YEATS2: variants seen among roughly 807,000 people sequenced by gnomAD.
YEATS2 encodes the protein YEATS domain-containing protein 2.
YEATS2 carries 77 observed loss-of-function variants against 163.2 expected under a neutral mutation model. The ratio of observed to expected loss-of-function variants is 0.47; its 90% confidence interval spans 0.39 to 0.57. The LOEUF (loss-of-function observed/expected upper bound fraction) is 0.57, where lower values mean the gene tolerates loss of function less well. YEATS2 is among the 20% of genes least tolerant of loss of function. The pLI is 0.00. For synonymous variants in YEATS2, 631 were observed against 645.1 expected (o/e 0.98, Z 0.33); for missense variants, 1,549 against 1,729.8 (o/e 0.90, Z 1.85).
In YEATS2 at chr3:183,803,340, C is replaced by T. The variant is rs762060927; in HGVS notation, c.3582+5C>T. ...GGAAAAAGGAGAGCCGCTGAGGTAA[C>T]CCACATCTGCCTGTCCACTCTGGCT... is the stretch of plus-strand genomic sequence containing the variant. On this transcript the variant is annotated splice_donor_5th_base_variant and intron_variant, in intron 26 of 30. Coordinates refer to ENST00000305135, the MANE Select transcript of YEATS2 (RefSeq NM_018023.5). 2.7e-5 allele frequency: 43 copies of T among 1,608,564 alleles called. No homozygotes were observed. Among genetic ancestry groups the T allele is most frequent in the African/African-American group, 4.0e-5 (3 of 74,868 alleles).
chr3:183,796,789 AAAAT>A (rs1418515923), intron 21 of YEATS2, among the ~76,000 whole-genome samples: 2 of 152,170 alleles, frequency 1.3e-5, no homozygotes, highest in East Asian at 1.9e-4. Flanking sequence ...AGCTATGTGC[AAAAT>A]AAATAAATTG....
At chr3:183,721,739 A>C (rs533894003) in intron 4 of YEATS2, 152 bp from the exon 5 acceptor site, 120 of 953,372 alleles carry the variant, frequency 1.3e-4, no homozygotes, top group Non-Finnish European at 1.8e-4. Context: ...AGGCTGTGCT[A>C]AGGGGTTGGG....
chr3:183,752,128 A>G lies in YEATS2; in HGVS notation c.1025A>G (p.Gln342Arg), dbSNP rs368750383. 9 of 1,614,002 alleles carry G rather than the reference A, an allele frequency of 5.6e-6. No homozygotes were observed. The highest frequency in any genetic ancestry group is 2.2e-5 in the East Asian group (1 of 44,882). The change falls in exon 10 of 31, where the codon CAG becomes CGG. Residue 342 changes from glutamine (Q) to arginine (R), a missense_variant. By Grantham distance (43) the Gln-to-Arg change is conservative. Coordinates refer to ENST00000305135, the MANE Select transcript of YEATS2 (RefSeq NM_018023.5). ...HSLGEDCIYP[Q>R]SSESDISDAP... ...CTCGGAGAAGACTGTATCTATCCTC[A>G]GTCCTCGGAGTCTGACATCTCTGAT...
rs564790226 is a variant in YEATS2 at position 183,753,089 on chromosome 3, C to T, written c.1150+836C>T. ...CTGGGATTACAGGCATGACCCACCA[C>T]GCCTGGCCTAAAACAGATTTTTATC... is the stretch of plus-strand genomic sequence containing the variant. On this transcript the variant is annotated intron_variant, in intron 10 of 30. Coordinates refer to ENST00000305135, the MANE Select transcript of YEATS2 (RefSeq NM_018023.5). 1.9e-3 allele frequency among the ~76,000 whole-genome samples: 284 copies of T among 152,206 alleles called. 2 individuals carry two copies. Among genetic ancestry groups the T allele is most frequent in the South Asian group, 4.1e-3 (20 of 4,822 alleles).
intron 20 of YEATS2, among the ~76,000 whole-genome samples, chr3:183,786,911 T>C (rs1344135583): frequency 6.6e-6 from 1 of 152,208 alleles, no homozygotes; most frequent in Non-Finnish European, 1.5e-5. Flanking sequence ...TTTTTATTTC[T>C]CTTGGCTGTA....
At chr3:183,807,116 T>G (rs1411284103) in intron 28 of YEATS2, 24 bp downstream of exon 28, 1 of 1,596,214 alleles carries the variant, frequency 6.3e-7, no homozygotes. Context: ...TGTTAATAGT[T>G]CATGCAGCAG....
In YEATS2 at chr3:183,804,182, G is replaced by A. The variant is rs752302689; in HGVS notation, c.3778G>A (p.Glu1260Lys). 7 of 1,614,142 alleles carry A rather than the reference G, an allele frequency of 4.3e-6. No homozygotes were observed. The highest frequency in any genetic ancestry group is 3.3e-5 in the South Asian group (3 of 91,076). The change falls in exon 27 of 31, where the codon GAG (glutamate) becomes AAG (lysine). Residue 1260 changes from glutamate (E) to lysine (K), a missense_variant. Glu to Lys is a moderately conservative substitution (Grantham distance 56). Coordinates refer to ENST00000305135, the MANE Select transcript of YEATS2 (RefSeq NM_018023.5). ...IEDVLTQIDS[E>K]PECPSSFSSA... ...GGACGTGCTGACCCAGATCGACAGC[G>A]AGCCCGGTAAGCCTTCAGTGGCACT...
chr3:183,765,709 G>A (rs1230063480), intron 15 of YEATS2, among the ~76,000 whole-genome samples: 2 of 152,166 alleles, frequency 1.3e-5, no homozygotes, highest in African/African-American at 4.8e-5. Context: ...CACTTTAGGA[G>A]GCTGAGGTGG....
chr3:183,797,549 A>G (rs1010289294), intron 21 of YEATS2, among the ~76,000 whole-genome samples: 4 of 141,604 alleles, frequency 2.8e-5, no homozygotes, highest in Non-Finnish European at 6.4e-5. Flanking sequence ...TAACACAATA[A>G]ATAAATAAAT....
chr3:183,733,381 T>C (rs1166874438), intron 7 of YEATS2, among the ~76,000 whole-genome samples: 1 of 152,254 alleles, frequency 6.6e-6, no homozygotes, highest in Non-Finnish European at 1.5e-5. Context: ...CAGTTGTCAC[T>C]TGTGTGACTT....
chr3:183,795,559 C>A (rs1725070151), intron 21 of YEATS2, among the ~76,000 whole-genome samples: 1 of 150,940 alleles, frequency 6.6e-6, no homozygotes, highest in Non-Finnish European at 1.5e-5. Flanking sequence ...TCTTGGCCTC[C>A]CAAAGTGCTG....
intron 7 of YEATS2, among the ~76,000 whole-genome samples, chr3:183,730,044 T>TTTTGTTTGTTTGTTTGTTTG (rs1232274438): frequency 6.7e-5 from 6 of 89,618 alleles, no homozygotes; most frequent in African/African-American, 2.5e-4. Context: ...TTGTGTGGTT[T>TTTTGTTTGTTTGTTTGTTTG]TTTGTTTGTT....
At chr3:183,800,025 G>A (rs1725517542) in intron 23 of YEATS2, among the ~76,000 whole-genome samples, 1 of 151,790 alleles carries the variant, frequency 6.6e-6, no homozygotes, top group South Asian at 2.1e-4. Context: ...GTAGAGATGG[G>A]GTTTCACCAT....
chr3:183,756,272 A>G (rs1381150341), intron 11 of YEATS2, among the ~76,000 whole-genome samples: 1 of 152,144 alleles, frequency 6.6e-6, no homozygotes, highest in East Asian at 1.9e-4. Flanking sequence ...GGACCATAAA[A>G]TCTGTTTCTT....
intron 19 of YEATS2, among the ~76,000 whole-genome samples, chr3:183,778,450 C>A (rs73040670): frequency 0.017 from 2,515 of 152,292 alleles, 48 homozygotes; most frequent in African/African-American, 0.058. Flanking sequence ...CCAGAATGGG[C>A]CAGTTTCAGC....
chr3:183,760,576 C>T (rs1721245340), intron 13 of YEATS2, among the ~76,000 whole-genome samples: 1 of 152,192 alleles, frequency 6.6e-6, no homozygotes, highest in Non-Finnish European at 1.5e-5. Flanking sequence ...CCCGCCTCAG[C>T]CTCCCAAAGT....
intron 7 of YEATS2, among the ~76,000 whole-genome samples, chr3:183,731,319 G>A (rs926341469): frequency 8.8e-5 from 13 of 148,042 alleles, no homozygotes; most frequent in Non-Finnish European, 1.6e-4. Context: ...AAAAAAAAGC[G>A]GAATATTTGG....
intron 13 of YEATS2, among the ~76,000 whole-genome samples, 179 bp downstream of exon 13, chr3:183,759,144 C>T (rs776790367): frequency 6.6e-6 from 1 of 152,200 alleles, no homozygotes; most frequent in Non-Finnish European, 1.5e-5. Context: ...ATGAGCTGCA[C>T]CCCGCCACTT....
chr3:183,776,211 G>T (rs957626632), intron 18 of YEATS2, 88 bp downstream of exon 18: 6 of 1,325,188 alleles, frequency 4.5e-6, no homozygotes, highest in Non-Finnish European at 6.1e-6. Context: ...ACGGCTCTGG[G>T]ATCAGGGTTC....
Sources: allele counts gnomAD v4.1 joint callset (sites outside exome capture counted in the v4.1 genomes callset), GRCh38; gene constraint gnomAD v4.1.1; transcripts MANE v1.5; gene names NCBI Gene and HGNC (gene_info 2026-07-23, HGNC 2026-07-21).